Variants in PRSS23 observed in about 807,000 individuals in gnomAD.
PRSS23 encodes the protein serine protease 23, also known as protease, serine 23.
A neutral mutation model predicts 34.7 loss-of-function variants in PRSS23; 25 were observed. The observed-to-expected ratio is 0.72, with a 90% CI of 0.53 to 1.01. PRSS23 has a LOEUF of 1.01. PRSS23 is among the 50% of genes least tolerant of loss of function. The probability of loss-of-function intolerance (pLI) is 0.00; values close to 1 mark genes in which losing one functional copy is unlikely to be tolerated. For synonymous variants in PRSS23, 176 were observed against 186.6 expected, an observed-to-expected ratio of 0.94 and a Z score of 0.46; for missense variants, 445 against 475.6, an observed-to-expected ratio of 0.94 and a Z score of 0.60.
intron 2 of PRSS23, among the ~76,000 whole-genome samples, chr11:86,841,068 G>C (rs1478755036): frequency 6.6e-6 from 1 of 152,040 alleles, no homozygotes; most frequent in Non-Finnish European, 1.5e-5. Context: ...GGCCAGGCGA[G>C]GTGGCACATA....
Position 86,807,885 on chromosome 11 carries a change from C to T in PRSS23, c.242C>T (p.Ala81Val). 5 of 1,614,126 alleles carry T rather than the reference C, an allele frequency of 3.1e-6. No individual in the cohort carries two copies. The highest frequency in any genetic ancestry group is 1.7e-5 in the Admixed American group (1 of 60,018). Reference sequence around the variant, plus strand: ...ACTCCACTGCCCACTTACGAAGAGGCCAAGCAATATCTGTCTTATGAAACG... The same window carrying T: ...ACTCCACTGCCCACTTACGAAGAGGTCAAGCAATATCTGTCTTATGAAACG... ...KGTPLPTYEE[A>V]KQYLSYETLY... The change falls in exon 2 of 2, where the codon GCC (alanine) becomes GTC (valine). Residue 81 changes from alanine to valine, a missense_variant. By Grantham distance (64) the Ala-to-Val change is moderately conservative. Transcript: ENST00000280258.
intron 2 of PRSS23, among the ~76,000 whole-genome samples, chr11:86,887,163 C>A (rs1017445467): frequency 6.6e-6 from 1 of 152,122 alleles, no homozygotes; most frequent in Non-Finnish European, 1.5e-5. Flanking sequence ...TGACTGACTC[C>A]AGAGCTGTGC....
intron 2 of PRSS23, chr11:86,935,145 C>T (rs1949153046): frequency 6.6e-6 from 1 of 152,244 alleles, no homozygotes; most frequent in East Asian, 1.9e-4. Context: ...ACAGAGAGGA[C>T]TCCAGACCTG....
chr11:86,815,860 AT>A (rs2135610157), downstream of PRSS23, among the ~76,000 whole-genome samples: 1 of 152,160 alleles, frequency 6.6e-6, no homozygotes, highest in Admixed American at 6.5e-5. Flanking sequence ...CACTGCCCTG[AT>A]TTCACCTTGT....
chr11:86,937,757 T>C (rs917937079), intron 2 of PRSS23: 1 of 152,240 alleles, frequency 6.6e-6, no homozygotes, highest in East Asian at 1.9e-4. Context: ...CCAGAAGCCT[T>C]CTGTCAGTGG....
chr11:86,841,732 G>C (rs1948450024), intron 2 of PRSS23, among the ~76,000 whole-genome samples: 1 of 152,136 alleles, frequency 6.6e-6, no homozygotes, highest in Non-Finnish European at 1.5e-5. Context: ...AGTAAACCAG[G>C]AGGAAGTTGA....
chr11:86,801,018 A>G (rs1673024077), intron 1 of PRSS23, among the ~76,000 whole-genome samples: 1 of 152,040 alleles, frequency 6.6e-6, no homozygotes, highest in South Asian at 2.1e-4. Context: ...CCCCCAACAC[A>G]CCACCACCAC....
chr11:86,825,522 T>C (rs965052563), intron 2 of PRSS23, among the ~76,000 whole-genome samples: 3 of 152,180 alleles, frequency 2.0e-5, no homozygotes, highest in African/African-American at 7.2e-5. Context: ...TTGTTGCCAC[T>C]GCTTTTGGTG....
intron 2 of PRSS23, among the ~76,000 whole-genome samples, chr11:86,867,191 G>A (rs1268176342): frequency 1.3e-5 from 2 of 152,178 alleles, no homozygotes; most frequent in Non-Finnish European, 2.9e-5. Flanking sequence ...CATCTGGAAT[G>A]CTCTCCCTCA....
At chr11:86,865,862 C>T (rs1036018640) in intron 2 of PRSS23, among the ~76,000 whole-genome samples, 7 of 152,204 alleles carry the variant, frequency 4.6e-5, no homozygotes, top group African/African-American at 1.4e-4. Context: ...AAAAAGCCAA[C>T]AGCTTACACA....
chr11:86,924,532 G>C (rs1447011538), intron 2 of PRSS23, among the ~76,000 whole-genome samples: 2 of 152,178 alleles, frequency 1.3e-5, no homozygotes, highest in Admixed American at 1.3e-4. Context: ...TGGAAAATGC[G>C]AACTGGACTT....
chr11:86,855,550 T>C (rs1372469462), intron 2 of PRSS23, among the ~76,000 whole-genome samples: 4 of 152,148 alleles, frequency 2.6e-5, no homozygotes, highest in Non-Finnish European at 5.9e-5. Flanking sequence ...GGTTGGAGTA[T>C]AGAGGCATGA....
In PRSS23 at chr11:86,809,095, C is replaced by T. The variant is rs945267331; in HGVS notation, c.*300C>T. 17 of 270,358 alleles carry T rather than the reference C, an allele frequency of 6.3e-5. No homozygotes were observed. Among genetic ancestry groups the T allele is most frequent in the Non-Finnish European group, 1.2e-4 (16 of 135,596 alleles). 16.7% of individuals were successfully genotyped at this position (270,358 alleles called of 1,614,324 possible). A position where few individuals can be genotyped will look rare whatever the true frequency, so the allele number is the denominator to read the frequency against. On this transcript the variant is annotated 3_prime_UTR_variant, in exon 2 of 2. Coordinates refer to ENST00000280258, the MANE Select transcript of PRSS23 (RefSeq NM_007173.6). ...TATTTGACAATTAAGTTAATCTTCA[C>T]GTTTTTGCAAACTTTGATTTTTATT... is the stretch of plus-strand genomic sequence containing the variant.
At chr11:86,805,101 G>A (rs1036763251) in intron 1 of PRSS23, among the ~76,000 whole-genome samples, 1 of 152,174 alleles carries the variant, frequency 6.6e-6, no homozygotes, top group African/African-American at 2.4e-5. Context: ...ATGGTGCGTT[G>A]AAGCCCAAGA....
At position 86,952,634 on chromosome 11, in the gene PRSS23, G is replaced by A. The variant is rs117941971; in HGVS notation, c.*1349G>A. 10,765 of 673,416 alleles carry A rather than the reference G, an allele frequency of 0.016. 588 individuals carry two copies. Among genetic ancestry groups the A allele is most frequent in the East Asian group, 0.14 (5,148 of 37,342 alleles). 41.7% of individuals were successfully genotyped at this position (673,416 alleles called of 1,614,324 possible). The stretch of plus-strand genomic sequence containing the variant: ...GTTTACTCTGACCTCAAACAAGGGC[G>A]CCTGATAATCCATCACTTACATACT... On this transcript the variant is annotated 3_prime_UTR_variant, in exon 3 of 3. Coordinates refer to the PRSS23 transcript ENST00000533902.
upstream of PRSS23, chr11:86,800,413 G>T (rs545731441): frequency 7.2e-6 from 7 of 975,206 alleles, no homozygotes; most frequent in African/African-American, 7.0e-5. Flanking sequence ...GGGGAGGGGG[G>T]CACGGTTTAT....
intron 1 of PRSS23, among the ~76,000 whole-genome samples, chr11:86,822,896 T>A (rs1948263813): frequency 6.6e-6 from 1 of 152,156 alleles, no homozygotes; most frequent in Admixed American, 6.5e-5. Flanking sequence ...TCCAAGATGC[T>A]GGAACTGGGG....
chr11:86,920,769 T>TTCATGTTCTGTCTTCATTTCC lies in PRSS23; in HGVS notation c.207-30438_207-30418dup, dbSNP rs1378925132. Among the ~76,000 whole-genome samples, 4 of 152,216 alleles carry TTCATGTTCTGTCTTCATTTCC rather than the reference T, an allele frequency of 2.6e-5. No homozygotes were observed. The East Asian group carries it at 7.7e-4, about 29-fold the overall frequency. ...CCATTGTAGCCAAACTTTCCAAAAA[T>TTCATGTTCTGTCTTCATTTCC]TCATGTTCTGTCTTCATTTCCTCAT... On this transcript the variant is annotated intron_variant, in intron 2 of 2. Coordinates refer to the PRSS23 transcript ENST00000533902.
At chr11:86,830,770 TA>T (rs1206287971) in intron 2 of PRSS23, among the ~76,000 whole-genome samples, 6 of 152,136 alleles carry the variant, frequency 3.9e-5, no homozygotes, top group African/African-American at 1.2e-4. Flanking sequence ...ACATTATTTG[TA>T]ATATCCTAGG....
Sources: allele counts gnomAD v4.1 joint callset (sites outside exome capture counted in the v4.1 genomes callset), GRCh38; gene constraint gnomAD v4.1.1; transcripts MANE v1.5; gene names NCBI Gene and HGNC (gene_info 2026-07-23, HGNC 2026-07-21).